PRDM5: variants seen among roughly 807,000 people sequenced by gnomAD.
PRDM5 encodes PR domain zinc finger protein 5.
Under a neutral mutation model 81.2 loss-of-function variants are expected in PRDM5, and 56 were observed. The ratio of observed to expected loss-of-function variants is 0.69; its 90% CI spans 0.56 to 0.86. PRDM5 has a LOEUF of 0.86. Among genes scored for constraint, PRDM5 ranks in the 40% least tolerant of loss-of-function variants. The probability of loss-of-function intolerance (pLI) is 0.00; values close to 1 mark genes in which losing one functional copy is unlikely to be tolerated. For synonymous variants in PRDM5, 267 were observed against 256.4 expected (o/e 1.04, Z -0.39); for missense variants, 697 against 770.1 (o/e 0.91, Z 1.12).
Position 120,695,037 on chromosome 4 carries a change from G to T in PRDM5, c.*74C>A, listed in dbSNP as rs1338076475. ...AGTCACTTTTGGCTACTTCTGTTAT[G>T]CTGATCAGGTGATAAAAATCTGGGA... On this transcript the variant is annotated 3_prime_UTR_variant, in exon 16 of 16. Coordinates refer to ENST00000264808, the MANE Select transcript of PRDM5 (RefSeq NM_018699.4). The T allele has an allele frequency of 1.3e-6, 2 of 1,519,414 alleles. No individual in the cohort carries two copies. The highest frequency in any genetic ancestry group is 1.1e-5 in the South Asian group (1 of 88,514). 94.1% of individuals were successfully genotyped at this position (1,519,414 alleles called of 1,614,324 possible). A position where few individuals can be genotyped will look rare whatever the true frequency, so the allele number is the denominator to read the frequency against.
Position 120,853,317 on chromosome 4 carries a change from A to C in PRDM5, c.300+101T>G. 4 of 1,533,444 alleles carry C rather than the reference A, an allele frequency of 2.6e-6. No individual in the cohort carries two copies. The Admixed American group carries it at 6.7e-5, about 26-fold the overall frequency. 95.0% of individuals were successfully genotyped at this position (1,533,444 alleles called of 1,614,324 possible). A position where few individuals can be genotyped will look rare whatever the true frequency, so the allele number is the denominator to read the frequency against. On this transcript the variant is annotated intron_variant, in intron 3 of 15. Transcript: ENST00000264808. ...GCTTTTATGAGTTACTGTTATTTGA[A>C]GGAGGTCATTGGGAAACAAATTTAA... is the stretch of plus-strand genomic sequence containing the variant.
intron 3 of PRDM5, among the ~76,000 whole-genome samples, chr4:120,851,684 A>T (rs981665719): frequency 6.6e-6 from 1 of 152,172 alleles, no homozygotes; most frequent in African/African-American, 2.4e-5. Flanking sequence ...AATTGTTTAG[A>T]TGACATTAGG....
At chr4:120,689,797 T>C (rs1733969193), downstream of PRDM5, among the ~76,000 whole-genome samples, 2 of 151,908 alleles carry the variant, frequency 1.3e-5, no homozygotes, top group Non-Finnish European at 2.9e-5. Context: ...GTATTTTTGG[T>C]AGAGATGGGG....
chr4:120,752,354 A>T (rs1744129322), intron 14 of PRDM5, among the ~76,000 whole-genome samples: 1 of 152,202 alleles, frequency 6.6e-6, no homozygotes, highest in Non-Finnish European at 1.5e-5. Context: ...AAAGGCTTAC[A>T]CATATTTACC....
chr4:120,712,028 G>A (rs1007798841), intron 14 of PRDM5, among the ~76,000 whole-genome samples: 2 of 152,144 alleles, frequency 1.3e-5, no homozygotes, highest in Admixed American at 6.5e-5. Context: ...GCTCATGCCT[G>A]TAATCCTAGC....
At chr4:120,907,248 C>T (rs375892760) in intron 2 of PRDM5, among the ~76,000 whole-genome samples, 3 of 151,302 alleles carry the variant, frequency 2.0e-5, no homozygotes, top group East Asian at 1.9e-4. Context: ...GCAGGAGAAT[C>T]GCTTGAACCT....
chr4:120,749,108 A>T (rs1743588286), intron 14 of PRDM5, among the ~76,000 whole-genome samples: 1 of 152,186 alleles, frequency 6.6e-6, no homozygotes, highest in African/African-American at 2.4e-5. Context: ...CTTAATAATG[A>T]CAAAAAGCTG....
At chr4:120,716,123 T>C (rs1737703859) in intron 14 of PRDM5, among the ~76,000 whole-genome samples, 2 of 152,174 alleles carry the variant, frequency 1.3e-5, no homozygotes, top group Admixed American at 1.3e-4. Context: ...TCTTATATAC[T>C]TACACACACA....
At position 120,883,772 on chromosome 4, in the gene PRDM5, ATG is replaced by A. The variant is rs199678030; in HGVS notation, c.177+23700_177+23701del. Among the ~76,000 whole-genome samples the A allele has an allele frequency of 4.3e-3, 654 of 152,312 alleles. 5 individuals are homozygous for A. The highest frequency in any genetic ancestry group is 0.015 in the African/African-American group (643 of 41,574). ...ACTGAAATTTTAATATAAGGACTTA[ATG>A]TGTTTAGAAGATTACTTAGAGAATC... On this transcript the variant is annotated intron_variant, in intron 2 of 15. Coordinates refer to ENST00000264808, the MANE Select transcript of PRDM5 (RefSeq NM_018699.4).
intron 2 of PRDM5, among the ~76,000 whole-genome samples, chr4:120,857,687 C>T (rs930944435): frequency 6.6e-6 from 1 of 152,086 alleles, no homozygotes; most frequent in African/African-American, 2.4e-5. Context: ...AAAATCTCAG[C>T]TCAATTACAG....
At chr4:120,714,049 G>T (rs558450630) in intron 14 of PRDM5, among the ~76,000 whole-genome samples, 1 of 152,250 alleles carries the variant, frequency 6.6e-6, no homozygotes, top group African/African-American at 2.4e-5. Flanking sequence ...CTGATGGTTA[G>T]GATTTCACAT....
At chr4:120,895,050 G>A (rs1036869949) in intron 2 of PRDM5, among the ~76,000 whole-genome samples, 5 of 152,134 alleles carry the variant, frequency 3.3e-5, no homozygotes, top group African/African-American at 4.8e-5. Flanking sequence ...AAGAGAAAGT[G>A]CATGTACATG....
chr4:120,886,373 C>T (rs976435398), intron 2 of PRDM5, among the ~76,000 whole-genome samples: 10 of 152,196 alleles, frequency 6.6e-5, no homozygotes, highest in Non-Finnish European at 1.2e-4. Flanking sequence ...TGGTACTGAA[C>T]CAAGTTCCCA....
intron 8 of PRDM5, among the ~76,000 whole-genome samples, chr4:120,805,023 C>T (rs1242504613): frequency 6.6e-6 from 1 of 152,142 alleles, no homozygotes; most frequent in Non-Finnish European, 1.5e-5. Flanking sequence ...GGGGATATCA[C>T]CACCAATCCC....
At chr4:120,842,616 T>G (rs1412900591) in intron 3 of PRDM5, among the ~76,000 whole-genome samples, 1 of 152,236 alleles carries the variant, frequency 6.6e-6, no homozygotes, top group Non-Finnish European at 1.5e-5. Context: ...ATTAAGTATT[T>G]TGGATTTCAA....
chr4:120,915,967 A>T (rs1386257909), intron 1 of PRDM5, among the ~76,000 whole-genome samples: 16 of 152,216 alleles, frequency 1.1e-4, no homozygotes, highest in Admixed American at 2.6e-4. Flanking sequence ...TGGGGAGAAG[A>T]ACAAGAGCAG....
Position 120,766,926 on chromosome 4 carries a change from A to G in PRDM5, c.1537+10262T>C, listed in dbSNP as rs1746469146. ...AATGAATGGACTTTAGAAGGTGGAT[A>G]CAAGATTTATAAAAAATAACATTTT... On this transcript the variant is annotated intron_variant, in intron 13 of 15. Transcript: ENST00000264808. Among the ~76,000 whole-genome samples, 3 of 152,236 alleles carry G rather than the reference A, an allele frequency of 2.0e-5. No individual in the cohort carries two copies. The South Asian group carries it at 6.2e-4, about 32-fold the overall frequency.
chr4:120,920,437 G>T (rs1459360625), intron 1 of PRDM5, among the ~76,000 whole-genome samples: 1 of 152,106 alleles, frequency 6.6e-6, no homozygotes, highest in South Asian at 2.1e-4. Context: ...CTTGATTTAT[G>T]TCCAGAATTA....
rs1487554101 is a variant in PRDM5 at position 120,766,803 on chromosome 4, TTTCTA to T, written c.1537+10380_1537+10384del. Among the ~76,000 whole-genome samples the T allele has an allele frequency of 2.0e-5, 3 of 152,326 alleles. No individual in the cohort carries two copies. The East Asian group carries it at 5.8e-4, about 29-fold the overall frequency. On this transcript the variant is annotated intron_variant, in intron 13 of 15. Transcript: ENST00000264808. Reference sequence around the variant, plus strand: ...GGCTTGAACTAGATTTCTGAAACCCTTTCTATTCTAAAGTCAAGAATATTATTTTT... The same window carrying T: ...GGCTTGAACTAGATTTCTGAAACCCTTTCTAAAGTCAAGAATATTATTTTT...
Sources: allele counts gnomAD v4.1 joint callset (sites outside exome capture counted in the v4.1 genomes callset), GRCh38; gene constraint gnomAD v4.1.1; transcripts MANE v1.5; gene names NCBI Gene and HGNC (gene_info 2026-07-23, HGNC 2026-07-21).